Variants in LPP observed in about 807,000 individuals in gnomAD.
LPP encodes LIM domain containing preferred translocation partner in lipoma, also known as lipoma-preferred partner.
In LPP, 38 loss-of-function variants were observed where a neutral mutation model predicts 60.4. That is an observed-to-expected ratio of 0.63 (90% CI 0.49 to 0.83). The LOEUF is 0.83. Ranked by LOEUF, LPP falls within the 40% of genes least tolerant of loss-of-function variation. The pLI is 0.00. For synonymous variants in LPP, 328 were observed against 290.8 expected (o/e 1.13, Z -1.30); for missense variants, 902 against 783.6 (o/e 1.15, Z -1.80).
At chr3:188,785,633 C>T (rs1202283898) in intron 9 of LPP, among the ~76,000 whole-genome samples, 2 of 149,742 alleles carry the variant, frequency 1.3e-5, no homozygotes, top group African/African-American at 4.9e-5. Flanking sequence ...TGGGTTGGTT[C>T]CATGATTTTG....
intron 2 of LPP, among the ~76,000 whole-genome samples, chr3:188,332,807 G>A (rs1306604710): frequency 6.6e-6 from 1 of 152,132 alleles, no homozygotes; most frequent in African/African-American, 2.4e-5. Flanking sequence ...CTACTAGAAA[G>A]GTAAGACCCA....
chr3:188,462,588 A>G lies in LPP; in HGVS notation c.194-22004A>G, dbSNP rs13094912. Among the ~76,000 whole-genome samples the G allele has an allele frequency of 6.9e-3, 402 of 58,270 alleles. 14 individuals are homozygous for G. The highest frequency in any genetic ancestry group is 0.012 in the South Asian group (14 of 1,132). 38.2% of individuals were successfully genotyped at this position (58,270 alleles called of 152,430 possible). Reference sequence around the variant, plus strand: ...TATATATATATATATATATATATGCATGTGTGTGTGTGTGTGTGTGTGTGT... The same window carrying G: ...TATATATATATATATATATATATGCGTGTGTGTGTGTGTGTGTGTGTGTGT... On this transcript the variant is annotated intron_variant, in intron 4 of 11. Coordinates refer to ENST00000617246, the MANE Select transcript of LPP (RefSeq NM_001375462.1).
intron 9 of LPP, among the ~76,000 whole-genome samples, chr3:188,794,932 T>C (rs1744890009): frequency 6.6e-6 from 1 of 151,910 alleles, no homozygotes; most frequent in African/African-American, 2.4e-5. Flanking sequence ...GGTCAGGAGA[T>C]CAAGACCAAC....
At chr3:188,688,034 T>C (rs1180630713) in intron 7 of LPP, among the ~76,000 whole-genome samples, 1 of 152,172 alleles carries the variant, frequency 6.6e-6, no homozygotes, top group Non-Finnish European at 1.5e-5. Flanking sequence ...ATTCTTACCT[T>C]AACTGCCCCA....
chr3:188,359,454 G>A (rs1023377984), intron 3 of LPP, among the ~76,000 whole-genome samples: 1 of 152,224 alleles, frequency 6.6e-6, no homozygotes, highest in South Asian at 2.1e-4. Context: ...GGTTAAAGTC[G>A]GCACCTGACC....
At chr3:188,181,751 ACT>A (rs890107224) in intron 1 of LPP, among the ~76,000 whole-genome samples, 24 of 152,154 alleles carry the variant, frequency 1.6e-4, no homozygotes, top group African/African-American at 5.8e-4. Flanking sequence ...AGACAGGGTC[ACT>A]CTCTGTTGCT....
At chr3:188,467,829 A>G (rs1159834015) in intron 4 of LPP, among the ~76,000 whole-genome samples, 3 of 152,144 alleles carry the variant, frequency 2.0e-5, no homozygotes, top group Non-Finnish European at 4.4e-5. Context: ...GAGACTCCAG[A>G]AAGGAATGCT....
intron 8 of LPP, among the ~76,000 whole-genome samples, chr3:188,747,857 A>C (rs1174797007): frequency 6.6e-6 from 1 of 152,186 alleles, no homozygotes; most frequent in African/African-American, 2.4e-5. Flanking sequence ...GAGATACAAG[A>C]ATGGAAATGG....
chr3:188,521,457 A>C (rs1307156515), intron 5 of LPP, among the ~76,000 whole-genome samples: 1 of 152,188 alleles, frequency 6.6e-6, no homozygotes, highest in African/African-American at 2.4e-5. Context: ...GACTTCAGGC[A>C]TAGTCAGTTG....
chr3:188,369,429 A>T (rs1462599453), intron 3 of LPP, among the ~76,000 whole-genome samples: 1 of 152,130 alleles, frequency 6.6e-6, no homozygotes, highest in African/African-American at 2.4e-5. Flanking sequence ...TGGGGAAATC[A>T]AACAATCGTT....
At chr3:188,817,992 C>A (rs1356342106) in intron 9 of LPP, among the ~76,000 whole-genome samples, 1 of 152,182 alleles carries the variant, frequency 6.6e-6, no homozygotes, top group Non-Finnish European at 1.5e-5. Flanking sequence ...CAAATATGTT[C>A]AGAGTGCAAG....
Position 188,387,692 on chromosome 3 carries a change from G to A in LPP, c.-9-18420G>A, listed in dbSNP as rs529495549. 6.6e-4 allele frequency among the ~76,000 whole-genome samples: 100 copies of A among 151,560 alleles called. 1 individual carries two copies. Among genetic ancestry groups the A allele is most frequent in the African/African-American group, 2.3e-3 (96 of 41,278 alleles). On this transcript the variant is annotated intron_variant, in intron 3 of 11. Coordinates refer to ENST00000617246, the MANE Select transcript of LPP (RefSeq NM_001375462.1). The stretch of plus-strand genomic sequence containing the variant: ...AGCAATTTTCTTGTGCCAGCCTCCC[G>A]AGTAGCTGGGATTACAGGTGTGCGC...
At chr3:188,783,188 C>T (rs1740380162) in intron 9 of LPP, among the ~76,000 whole-genome samples, 1 of 152,138 alleles carries the variant, frequency 6.6e-6, no homozygotes, top group African/African-American at 2.4e-5. Context: ...TCCATTGACT[C>T]CACAGCTCTC....
intron 9 of LPP, among the ~76,000 whole-genome samples, chr3:188,773,076 T>G (rs1353456895): frequency 2.0e-5 from 3 of 152,122 alleles, no homozygotes; most frequent in Non-Finnish European, 4.4e-5. Context: ...ACACTCAAGG[T>G]CAAACACACT....
At chr3:188,506,884 G>A (rs970581303) in intron 5 of LPP, among the ~76,000 whole-genome samples, 7 of 151,892 alleles carry the variant, frequency 4.6e-5, no homozygotes, top group East Asian at 1.9e-4. Flanking sequence ...TGCAAGCTCC[G>A]CCTCCCGGGT....
At chr3:188,416,315 C>T (rs966559977) in intron 4 of LPP, among the ~76,000 whole-genome samples, 1 of 151,914 alleles carries the variant, frequency 6.6e-6, no homozygotes, top group East Asian at 1.9e-4. Flanking sequence ...GAACATTTTT[C>T]AAAAGAAAAA....
intron 2 of LPP, among the ~76,000 whole-genome samples, chr3:188,280,717 A>T (rs980881805): frequency 2.0e-5 from 3 of 152,142 alleles, no homozygotes; most frequent in African/African-American, 7.2e-5. Context: ...GGTCTTAACC[A>T]GTTCCCGTTT....
intron 1 of LPP, chr3:188,179,625 A>C: frequency 2.6e-6 from 1 of 384,134 alleles, no homozygotes; most frequent in Non-Finnish European, 5.2e-6. Flanking sequence ...TCCATTTCTC[A>C]TCCTGCCAGG....
intron 2 of LPP, among the ~76,000 whole-genome samples, chr3:188,310,666 T>A (rs1442229082): frequency 1.3e-5 from 2 of 152,192 alleles, no homozygotes; most frequent in Admixed American, 6.6e-5. Context: ...TAGATTTTTT[T>A]AAAATTCATT....
Sources: gnomAD v4.1 joint callset for allele counts (sites outside exome capture counted in the v4.1 genomes callset) on GRCh38, gnomAD v4.1.1 for gene constraint, MANE v1.5 for transcripts, NCBI Gene and HGNC (gene_info 2026-07-23, HGNC 2026-07-21) for gene names.